The following ADK variants were observed in gnomAD, a reference collection of about 807,000 sequenced individuals.
The protein encoded by ADK is N6,N6-dimethyladenosine kinase.
In ADK, 24 loss-of-function variants were observed where a neutral mutation model predicts 44.7. That is an observed-to-expected ratio of 0.54 (90% CI 0.39 to 0.76). The LOEUF is 0.76. ADK is among the 30% of genes least tolerant of loss of function. The pLI is 0.00. For missense variants in ADK, 321 were observed against 425.1 expected (o/e 0.76, Z 2.15); for synonymous variants, 128 against 142.6 (o/e 0.90, Z 0.73).
intron 8 of ADK, among the ~76,000 whole-genome samples, chr10:74,599,919 A>C (rs566161300): frequency 2.2e-4 from 33 of 152,302 alleles, no homozygotes; most frequent in Admixed American, 1.8e-3. Context: ...AAAATAATTA[A>C]ATTTTCCTCT....
At chr10:74,605,105 CTT>C (rs1272467365) in intron 9 of ADK, among the ~76,000 whole-genome samples, 1 of 152,192 alleles carries the variant, frequency 6.6e-6, no homozygotes, top group East Asian at 1.9e-4. Context: ...TATCCTGAGA[CTT>C]TGCTGAAGTT....
chr10:74,621,020 C>CT (rs1852976192), intron 9 of ADK, among the ~76,000 whole-genome samples: 1 of 151,916 alleles, frequency 6.6e-6, no homozygotes, highest in African/African-American at 2.4e-5. Flanking sequence ...CATAGGTTAT[C>CT]TTTTCACTCT....
chr10:74,622,799 G>A (rs572655897), intron 9 of ADK, among the ~76,000 whole-genome samples: 2 of 152,046 alleles, frequency 1.3e-5, no homozygotes, highest in African/African-American at 4.8e-5. Context: ...CCTAAGGTCG[G>A]GAATTCAAGA....
chr10:74,433,039 G>T (rs2133093043), intron 6 of ADK, among the ~76,000 whole-genome samples: 1 of 152,230 alleles, frequency 6.6e-6, no homozygotes, highest in Admixed American at 6.5e-5. Flanking sequence ...GTATCTTTTA[G>T]TTGGAAATGC....
intron 3 of ADK, among the ~76,000 whole-genome samples, chr10:74,290,697 TCTTG>T (rs1200250846): frequency 6.6e-6 from 1 of 152,210 alleles, no homozygotes; most frequent in Non-Finnish European, 1.5e-5. Context: ...AGGTTTTTCT[TCTTG>T]CTTATCACCC....
chr10:74,224,023 A>C (rs533051370), intron 2 of ADK, among the ~76,000 whole-genome samples: 167 of 152,296 alleles, frequency 1.1e-3, no homozygotes, highest in Non-Finnish European at 2.0e-3. Context: ...GGTTGCACTG[A>C]GTCAAGATCG....
chr10:74,219,693 C>T lies in ADK; in HGVS notation c.141-4845C>T, dbSNP rs1209416257. Among the ~76,000 whole-genome samples the T allele has an allele frequency of 1.5e-3, 233 of 151,380 alleles. 1 individual carries two copies. The highest frequency in any genetic ancestry group is 0.01 in the Middle Eastern group (3 of 292). On this transcript the variant is annotated intron_variant, in intron 2 of 10. Transcript: ENST00000539909. Reference sequence around the variant, plus strand: ...TCTCTCAGACCACAGTGCAATCAAACTAGAACTCAGGATTAAGAAACTCAC... The same window carrying T: ...TCTCTCAGACCACAGTGCAATCAAATTAGAACTCAGGATTAAGAAACTCAC...
intron 6 of ADK, among the ~76,000 whole-genome samples, chr10:74,512,850 A>C (rs1311901868): frequency 6.6e-6 from 1 of 151,784 alleles, no homozygotes; most frequent in African/African-American, 2.4e-5. Flanking sequence ...TTTATCATCA[A>C]GTTGTTTACT....
chr10:74,472,416 T>A (rs1271590956), intron 6 of ADK, among the ~76,000 whole-genome samples: 2 of 152,162 alleles, frequency 1.3e-5, no homozygotes, highest in Non-Finnish European at 2.9e-5. Flanking sequence ...AGAGATGTCA[T>A]CTAGTTGTGA....
intron 7 of ADK, among the ~76,000 whole-genome samples, chr10:74,556,089 A>T (rs1021416031): frequency 9.9e-5 from 15 of 152,230 alleles, no homozygotes; most frequent in African/African-American, 3.6e-4. Flanking sequence ...ACTTTTAAAG[A>T]TATAAATAGT....
intron 3 of ADK, among the ~76,000 whole-genome samples, chr10:74,228,523 G>T (rs1844634482): frequency 6.6e-6 from 1 of 151,946 alleles, no homozygotes; most frequent in African/African-American, 2.4e-5. Flanking sequence ...ACTTTCCATT[G>T]TGCTAGGCAT....
At chr10:74,560,491 G>A (rs115010145) in intron 7 of ADK, among the ~76,000 whole-genome samples, 1,680 of 152,282 alleles carry the variant, frequency 0.011, 30 homozygotes, top group African/African-American at 0.038. Flanking sequence ...ATGCTTTAGC[G>A]TAGCAGCAGA....
At position 74,505,605 on chromosome 10, in the gene ADK, C is replaced by T. The variant is rs149596073; in HGVS notation, c.556-19651C>T. Among the ~76,000 whole-genome samples the T allele has an allele frequency of 7.6e-4, 115 of 151,274 alleles. 2 individuals are homozygous for T. The East Asian group carries it at 0.019, about 25-fold the overall frequency. On this transcript the variant is annotated intron_variant, in intron 6 of 10. Transcript: ENST00000539909. ...TGTAAATCCTATGAAGTCATATACA[C>T]CATTGGACACAGTTTTTCTCTAGCA...
At chr10:74,608,745 C>G (rs928561789) in intron 9 of ADK, among the ~76,000 whole-genome samples, 2 of 152,082 alleles carry the variant, frequency 1.3e-5, no homozygotes, top group African/African-American at 2.4e-5. Flanking sequence ...TAGGAGAGCT[C>G]GAGCACTGTG....
chr10:74,645,307 T>C (rs1854015662), intron 9 of ADK, among the ~76,000 whole-genome samples: 1 of 152,212 alleles, frequency 6.6e-6, no homozygotes, highest in Non-Finnish European at 1.5e-5. Flanking sequence ...TTCTTCAGTG[T>C]TTGAGGTTCT....
At chr10:74,302,109 G>GTTTTTTTTTGTTTTT (rs1840068264) in intron 3 of ADK, among the ~76,000 whole-genome samples, 1 of 13,052 alleles carries the variant, frequency 7.7e-5, no homozygotes, top group African/African-American at 2.4e-4. Flanking sequence ...TTGTTTGTTT[G>GTTTTTTTTTGTTTTT]TTTTTTTTTT....
chr10:74,686,068 TCTC>T (rs1464974771), intron 10 of ADK, among the ~76,000 whole-genome samples: 1 of 152,118 alleles, frequency 6.6e-6, no homozygotes, highest in Non-Finnish European at 1.5e-5. Flanking sequence ...TTCACGCTAT[TCTC>T]CTTCCTCAGC....
At position 74,687,114 on chromosome 10, in the gene ADK, TTAAGTGTTACATATTATAAGAGGG is replaced by T. The variant is rs564940551; in HGVS notation, c.964+16846_964+16869del. 8.0e-4 allele frequency among the ~76,000 whole-genome samples: 122 copies of T among 152,348 alleles called. 2 individuals are homozygous for T. In the East Asian group the frequency reaches 0.019, roughly 24 times the overall value. On this transcript the variant is annotated intron_variant, in intron 10 of 10. Coordinates refer to ENST00000539909, the MANE Select transcript of ADK (RefSeq NM_006721.4). Reference sequence around the variant, plus strand: ...ACACCTGATACATAGTAAGGATTCATTAAGTGTTACATATTATAAGAGGGGTCTCAAAGAAGTCTCAGACAAGAG... The same window carrying T: ...ACACCTGATACATAGTAAGGATTCATGTCTCAAAGAAGTCTCAGACAAGAG...
chr10:74,326,460 G>A (rs1329044039), intron 4 of ADK, among the ~76,000 whole-genome samples: 2 of 151,178 alleles, frequency 1.3e-5, no homozygotes, highest in Non-Finnish European at 2.9e-5. Context: ...TTAGCTTGGT[G>A]TGGTGGTACA....
Sources: gnomAD v4.1 joint callset for allele counts (sites outside exome capture counted in the v4.1 genomes callset) on GRCh38, gnomAD v4.1.1 for gene constraint, MANE v1.5 for transcripts, NCBI Gene and HGNC (gene_info 2026-07-23, HGNC 2026-07-21) for gene names.